The following LAMA3 variants were observed in gnomAD, a reference collection of about 807,000 sequenced individuals.
LAMA3 encodes laminin subunit alpha 3.
In LAMA3, 281 loss-of-function variants were observed where a neutral mutation model predicts 402.0. That is an observed-to-expected ratio of 0.70 (90% CI 0.63 to 0.77). The LOEUF is 0.77. Ranked by LOEUF, LAMA3 falls within the 30% of genes least tolerant of loss-of-function variation. The probability of loss-of-function intolerance (pLI) is 0.00; values close to 1 mark genes in which losing one functional copy is unlikely to be tolerated. For synonymous variants in LAMA3, 1,431 were observed against 1,558.4 expected (o/e 0.92, Z 1.93); for missense variants, 3,840 against 4,215.5 (o/e 0.91, Z 2.47).
At chr18:23,905,472 T>C (rs1475572525) in intron 51 of LAMA3, 50 bp from the exon 52 acceptor site, 3 of 1,024,408 alleles carry the variant, frequency 2.9e-6, no homozygotes, top group Non-Finnish European at 4.6e-6. Flanking sequence ...TTATTCCATA[T>C]TTCGTAACAT....
chr18:23,864,661 C>G, intron 35 of LAMA3, 124 bp from the exon 36 acceptor site: 1 of 714,618 alleles, frequency 1.4e-6, no homozygotes, highest in Non-Finnish European at 2.6e-6. Context: ...TAGATACAAC[C>G]CTTGTTACCA....
intron 40 of LAMA3, among the ~76,000 whole-genome samples, chr18:23,883,899 A>T (rs1415492792): frequency 6.6e-6 from 1 of 152,210 alleles, no homozygotes; most frequent in Non-Finnish European, 1.5e-5. Context: ...TCCTTCCTGC[A>T]ATATTAATAG....
chr18:23,861,898 C>A, intron 35 of LAMA3, 91 bp downstream of exon 35: 1 of 1,366,654 alleles, frequency 7.3e-7, no homozygotes, highest in South Asian at 1.4e-5. Context: ...AAGGAAGCAT[C>A]CAGCAGTTCA....
In LAMA3 at chr18:23,827,460, GGAGAGA is replaced by G; in HGVS notation, c.2818_2823del (p.Arg940_Glu941del). ...CACCCTGTCATGGTGGACCTCAGCG[GGAGAGA>G]GGTGGGCCAGCCTTTTATTTATTAT... On this transcript the variant is annotated inframe_deletion and splice_region_variant, in exon 23 of 75. Transcript: ENST00000313654. The G allele has an allele frequency of 6.2e-7, 1 of 1,614,056 alleles. No homozygotes were observed. Among genetic ancestry groups the G allele is most frequent in the Non-Finnish European group, 8.5e-7 (1 of 1,180,036 alleles).
At chr18:23,847,413 A>G in intron 31 of LAMA3, 51 bp from the exon 32 acceptor site, 1 of 1,580,746 alleles carries the variant, frequency 6.3e-7, no homozygotes, top group Non-Finnish European at 8.6e-7. Flanking sequence ...GTGCTGCTGG[A>G]GCCCAGGCGG....
At chr18:23,916,809 G>GTTTTTCCTTTTCCT (rs2081642025) in intron 60 of LAMA3, 114 bp downstream of exon 60, 1 of 998,510 alleles carries the variant, frequency 1.0e-6, no homozygotes, top group Non-Finnish European at 1.6e-6. Context: ...ATGTGTAAAT[G>GTTTTTCCTTTTCCT]TTACCTGCAT....
chr18:23,933,697 T>A, intron 66 of LAMA3, 85 bp from the exon 67 acceptor site: 2 of 1,476,328 alleles, frequency 1.4e-6, no homozygotes, highest in South Asian at 2.3e-5. Flanking sequence ...AAACATGTAC[T>A]TTTTGAAATG....
intron 25 of LAMA3, among the ~76,000 whole-genome samples, chr18:23,837,797 C>G: frequency 6.6e-6 from 1 of 151,978 alleles, no homozygotes. Context: ...ACTGCTGATA[C>G]TACGCATGCA....
chr18:23,781,689 T>A (rs2143975108), intron 11 of LAMA3, among the ~76,000 whole-genome samples: 1 of 152,268 alleles, frequency 6.6e-6, no homozygotes, highest in East Asian at 1.9e-4. Context: ...TTGGTGCAGA[T>A]CCAATCCAGT....
At chr18:23,731,067 C>A (rs59379200) in intron 2 of LAMA3, among the ~76,000 whole-genome samples, 8,282 of 152,156 alleles carry the variant, frequency 0.054, 601 homozygotes, top group African/African-American at 0.16. Flanking sequence ...CCTTTTACAA[C>A]CCCTAATGGA....
At chr18:23,718,220 T>C (rs2061144389) in intron 2 of LAMA3, among the ~76,000 whole-genome samples, 1 of 152,228 alleles carries the variant, frequency 6.6e-6, no homozygotes, top group East Asian at 1.9e-4. Flanking sequence ...GATCTACATA[T>C]ACACTCTGGA....
At chr18:23,856,134 A>G (rs1327915942) in intron 32 of LAMA3, among the ~76,000 whole-genome samples, 1 of 152,236 alleles carries the variant, frequency 6.6e-6, no homozygotes, top group East Asian at 1.9e-4. Flanking sequence ...AATTTGCCCA[A>G]GGTCCAGTAA....
Position 23,907,532 on chromosome 18 carries a change from T to C in LAMA3, c.6719-18T>C, listed in dbSNP as rs779770118. 9 of 1,551,778 alleles carry C rather than the reference T, an allele frequency of 5.8e-6. No homozygotes were observed. The highest frequency in any genetic ancestry group is 8.0e-6 in the Non-Finnish European group (9 of 1,123,544). On this transcript the variant is annotated intron_variant, in intron 52 of 74. Coordinates refer to ENST00000313654, the MANE Select transcript of LAMA3 (RefSeq NM_198129.4). Reference sequence around the variant, plus strand: ...AATGCACAAAGTAATTGCCTCCTGATGCTTTATTTTATTTTAGAAGTCAGT... The same window carrying C: ...AATGCACAAAGTAATTGCCTCCTGACGCTTTATTTTATTTTAGAAGTCAGT...
At chr18:23,695,758 C>G (rs908508470) in intron 1 of LAMA3, among the ~76,000 whole-genome samples, 1 of 123,178 alleles carries the variant, frequency 8.1e-6, no homozygotes, top group Non-Finnish European at 1.6e-5. Context: ...GATCACACCA[C>G]TGCACTCCAG....
rs73967625 is a variant in LAMA3, at chr18:23,890,648, C to T, written c.5410+531C>T. 5.0e-3 allele frequency among the ~76,000 whole-genome samples: 754 copies of T among 152,256 alleles called. 7 individuals are homozygous for T. Among genetic ancestry groups the T allele is most frequent in the African/African-American group, 0.017 (715 of 41,556 alleles). ...GAACAAAAAGGAAGACTATCCTCTTCCTTCTTTGACAGAATATTAATAGGA... is the reference window on the plus strand; with the variant it reads ...GAACAAAAAGGAAGACTATCCTCTTTCTTCTTTGACAGAATATTAATAGGA... On this transcript the variant is annotated intron_variant, in intron 42 of 74. Transcript: ENST00000313654.
chr18:23,708,634 T>C (rs1045358374), intron 1 of LAMA3, among the ~76,000 whole-genome samples: 1 of 152,326 alleles, frequency 6.6e-6, no homozygotes, highest in Admixed American at 6.5e-5. Flanking sequence ...GCTGCTACTC[T>C]ACAGAGATGC....
intron 60 of LAMA3, among the ~76,000 whole-genome samples, chr18:23,919,140 C>T (rs1244457115): frequency 6.6e-6 from 1 of 152,196 alleles, no homozygotes; most frequent in Non-Finnish European, 1.5e-5. Context: ...TAGGATGGCT[C>T]ATGACTCTCA....
intron 8 of LAMA3, among the ~76,000 whole-genome samples, chr18:23,766,001 T>C (rs562049878): frequency 1.3e-5 from 2 of 151,978 alleles, no homozygotes; most frequent in South Asian, 2.1e-4. Flanking sequence ...GAACATGTAA[T>C]TGGACTCCCA....
intron 58 of LAMA3, 140 bp from the exon 59 acceptor site, chr18:23,915,149 C>T: frequency 1.0e-6 from 1 of 991,952 alleles, no homozygotes; most frequent in Non-Finnish European, 1.5e-6. Context: ...TAGTAAATAG[C>T]AAAGCCAGGG....
Sources: gnomAD v4.1 joint callset for allele counts (sites outside exome capture counted in the v4.1 genomes callset) on GRCh38, gnomAD v4.1.1 for gene constraint, MANE v1.5 for transcripts, NCBI Gene and HGNC (gene_info 2026-07-23, HGNC 2026-07-21) for gene names.